Variants in UTRN observed in about 807,000 individuals in gnomAD.
The protein encoded by UTRN is utrophin.
In UTRN, 283 loss-of-function variants were observed where a neutral mutation model predicts 463.9. The observed-to-expected ratio is 0.61, with a 90% CI of 0.55 to 0.67. UTRN has a LOEUF of 0.67. UTRN is among the 30% of genes least tolerant of loss of function. UTRN has a pLI of 0.00. For synonymous variants in UTRN, 1,442 were observed against 1,431.5 expected (o/e 1.01, Z -0.17); for missense variants, 3,922 against 4,084.3 (o/e 0.96, Z 1.08).
intron 69 of UTRN, among the ~76,000 whole-genome samples, chr6:144,830,282 A>T (rs1780553749): frequency 6.6e-6 from 1 of 152,184 alleles, no homozygotes; most frequent in African/African-American, 2.4e-5. Flanking sequence ...GAAGATTAAC[A>T]GTCAGATACA....
At chr6:144,495,226 C>T (rs182744505) in intron 33 of UTRN, among the ~76,000 whole-genome samples, 264 of 152,250 alleles carry the variant, frequency 1.7e-3, no homozygotes, top group African/African-American at 5.8e-3. Context: ...AGGCTCCGGC[C>T]GCACAGGAGC....
intron 43 of UTRN, 76 bp from the exon 44 acceptor site, chr6:144,537,506 A>G (rs1284961121): frequency 1.8e-6 from 2 of 1,099,650 alleles, no homozygotes; most frequent in African/African-American, 3.3e-5. Context: ...TAGTCAGGAT[A>G]TTCAAAGCAA....
At chr6:144,838,445 C>A (rs1215912265) in intron 71 of UTRN, among the ~76,000 whole-genome samples, 2 of 152,184 alleles carry the variant, frequency 1.3e-5, no homozygotes, top group African/African-American at 4.8e-5. Context: ...ATGGAAAAAT[C>A]TGCATGAAAA....
intron 51 of UTRN, among the ~76,000 whole-genome samples, chr6:144,595,144 C>G (rs946425068): frequency 3.9e-5 from 6 of 152,022 alleles, no homozygotes; most frequent in African/African-American, 1.4e-4. Flanking sequence ...TTATGTAATA[C>G]CCAAGTGACA....
chr6:144,396,407 T>TGGGTATGACAG (rs1782421260), intron 2 of UTRN, among the ~76,000 whole-genome samples: 3 of 152,066 alleles, frequency 2.0e-5, no homozygotes, highest in Admixed American at 1.3e-4. Context: ...GACAGCAGAG[T>TGGGTATGACAG]TTATGTTCAG....
chr6:144,308,891 G>T (rs1805989254), intron 2 of UTRN, among the ~76,000 whole-genome samples: 1 of 152,098 alleles, frequency 6.6e-6, no homozygotes, highest in South Asian at 2.1e-4. Context: ...TTATGAAAGA[G>T]CTCCTCAAAG....
intron 43 of UTRN, among the ~76,000 whole-genome samples, chr6:144,533,576 T>G (rs999823186): frequency 6.6e-6 from 1 of 152,162 alleles, no homozygotes; most frequent in African/African-American, 2.4e-5. Context: ...GTTTCAGGTT[T>G]GAAGGTCTGG....
At chr6:144,707,004 A>G (rs1166451992) in intron 53 of UTRN, 1 of 152,212 alleles carries the variant, frequency 6.6e-6, no homozygotes, top group Non-Finnish European at 1.5e-5. Context: ...TATACATAGC[A>G]CATAGAGCAC....
chr6:144,603,810 G>A (rs1203091430), intron 51 of UTRN, among the ~76,000 whole-genome samples: 2 of 152,082 alleles, frequency 1.3e-5, no homozygotes, highest in African/African-American at 2.4e-5. Flanking sequence ...AATGGGCCCA[G>A]CATTATTAAA....
chr6:144,794,093 A>G lies in UTRN; in HGVS notation c.9078+102A>G, dbSNP rs562944331. ...AACTCGGGCTGGAGCCAAATACTGG[A>G]AGACTTTGGGTACCATCCAACAAGT... On this transcript the variant is annotated intron_variant, in intron 63 of 74. Coordinates refer to ENST00000367545, the MANE Select transcript of UTRN (RefSeq NM_007124.3). 1,710 of 1,473,394 alleles carry G rather than the reference A, an allele frequency of 1.2e-3. 3 individuals carry two copies. The highest frequency in any genetic ancestry group is 1.4e-3 in the Non-Finnish European group (1,538 of 1,097,444). The allele number at this position is 1,473,394 out of a possible 1,614,324, so 91.3% of individuals were successfully genotyped here. A position where few individuals can be genotyped will look rare whatever the true frequency, so the allele number is the denominator to read the frequency against.
At chr6:144,522,306 T>A in intron 40 of UTRN, 135 bp downstream of exon 40, 1 of 642,396 alleles carries the variant, frequency 1.6e-6, no homozygotes, top group African/African-American at 1.9e-5. Flanking sequence ...GTATGACTAG[T>A]AAAGCTTTCC....
At chr6:144,350,192 A>G (rs902809039) in intron 2 of UTRN, among the ~76,000 whole-genome samples, 2 of 152,126 alleles carry the variant, frequency 1.3e-5, no homozygotes, top group African/African-American at 4.8e-5. Context: ...TTGACTCCAA[A>G]TTTAATTTTT....
intron 51 of UTRN, among the ~76,000 whole-genome samples, chr6:144,638,487 T>C (rs1307341096): frequency 1.3e-5 from 2 of 152,142 alleles, no homozygotes; most frequent in Admixed American, 6.5e-5. Context: ...TCACAGGTAG[T>C]AAATCATTAG....
At chr6:144,559,422 A>G (rs1799667369) in intron 50 of UTRN, among the ~76,000 whole-genome samples, 2 of 152,148 alleles carry the variant, frequency 1.3e-5, no homozygotes, top group African/African-American at 4.8e-5. Context: ...GTGAATGATA[A>G]CTAGGGCTTC....
intron 2 of UTRN, among the ~76,000 whole-genome samples, chr6:144,338,042 T>C (rs116383928): frequency 2.4e-4 from 36 of 152,340 alleles, no homozygotes; most frequent in African/African-American, 8.4e-4. Context: ...TGATTTCAGA[T>C]TTTATTTATA....
At chr6:144,380,474 C>CTT (rs1251577053) in intron 2 of UTRN, among the ~76,000 whole-genome samples, 1 of 151,866 alleles carries the variant, frequency 6.6e-6, no homozygotes, top group African/African-American at 2.4e-5. Flanking sequence ...GAAAATATCC[C>CTT]CTCCCAAAAT....
At chr6:144,399,003 T>C (rs1051527833) in intron 2 of UTRN, among the ~76,000 whole-genome samples, 4 of 152,240 alleles carry the variant, frequency 2.6e-5, no homozygotes, top group African/African-American at 9.6e-5. Flanking sequence ...TTATCTAAAC[T>C]TCTTGTACAC....
intron 53 of UTRN, among the ~76,000 whole-genome samples, chr6:144,730,154 C>T (rs775844293): frequency 2.0e-5 from 3 of 152,128 alleles, no homozygotes; most frequent in Admixed American, 1.3e-4. Flanking sequence ...GTATACTTAA[C>T]GTTTACAGAA....
At chr6:144,681,723 T>A (rs1782219118) in intron 52 of UTRN, among the ~76,000 whole-genome samples, 1 of 152,176 alleles carries the variant, frequency 6.6e-6, no homozygotes. Flanking sequence ...TGCTCTATTA[T>A]TATAGTTGAT....
Sources: allele counts gnomAD v4.1 joint callset (sites outside exome capture counted in the v4.1 genomes callset), GRCh38; gene constraint gnomAD v4.1.1; transcripts MANE v1.5; gene names NCBI Gene and HGNC (gene_info 2026-07-23, HGNC 2026-07-21).